TACR2: variants seen among roughly 807,000 people sequenced by gnomAD.
TACR2 encodes the protein tachykinin receptor 2.
In TACR2, 24 loss-of-function variants were observed where a neutral mutation model predicts 28.9. The observed-to-expected ratio is 0.83, with a 90% CI of 0.60 to 1.17. The LOEUF is 1.17. Ranked by LOEUF, TACR2 falls within the 50% of genes most tolerant of loss-of-function variation. The probability of loss-of-function intolerance (pLI) is 0.00; values close to 1 mark genes in which losing one functional copy is unlikely to be tolerated. For missense variants in TACR2, 487 were observed against 524.4 expected (o/e 0.93, Z 0.70); for synonymous variants, 222 against 212.6 (o/e 1.04, Z -0.38).
intron 3 of TACR2, 34 bp from the exon 4 acceptor site, chr10:69,407,314 G>A: frequency 1.3e-6 from 2 of 1,579,562 alleles, no homozygotes; most frequent in Non-Finnish European, 8.6e-7. Context: ...ACTTCTTAGT[G>A]CCCAAGCCCC....
rs550806912 is a variant in TACR2, at chr10:69,405,153, C to T, written c.939-69G>A. The T allele has an allele frequency of 4.5e-6, 6 of 1,338,030 alleles. 1 individual carries two copies. In the South Asian group the frequency reaches 6.7e-5, roughly 15 times the overall value. The allele number at this position is 1,338,030 out of a possible 1,614,324, so 82.9% of individuals were successfully genotyped here. ...AGGAGCTGTGATGTGACTGCCCCCA[C>T]CCCCAGGAAACTGACTCCCTTCCAG... On this transcript the variant is annotated intron_variant, in intron 4 of 4. Transcript: ENST00000373306.
At chr10:69,415,214 C>T in intron 1 of TACR2, 75 bp from the exon 2 acceptor site, 4 of 1,496,496 alleles carry the variant, frequency 2.7e-6, no homozygotes, top group Non-Finnish European at 2.7e-6. Context: ...CTCCCTCTCT[C>T]CCAACCCAGG....
rs1177801447 is a variant in TACR2, at chr10:69,404,512, C to T, written c.*314G>A. 1.3e-5 allele frequency: 3 copies of T among 231,208 alleles called. No homozygotes were observed. Among genetic ancestry groups the T allele is most frequent in the Non-Finnish European group, 2.5e-5 (3 of 120,270 alleles). The allele number at this position is 231,208 out of a possible 1,614,324, so 14.3% of individuals were successfully genotyped here. A position where few individuals can be genotyped will look rare whatever the true frequency, so the allele number is the denominator to read the frequency against. On this transcript the variant is annotated 3_prime_UTR_variant, in exon 5 of 5. Coordinates refer to ENST00000373306, the MANE Select transcript of TACR2 (RefSeq NM_001057.3). ...ATAAAGAAAAGAGGTTTATTTGGCT[C>T]ATGATTCTGGTGGCTGGAATATCCA...
At chr10:69,406,418 G>T (rs3793850) in intron 4 of TACR2, among the ~76,000 whole-genome samples, 1 of 152,010 alleles carries the variant, frequency 6.6e-6, no homozygotes, top group East Asian at 1.9e-4. Flanking sequence ...TCAGAATCAC[G>T]AGGCGTAGGG....
chr10:69,409,293 G>C, intron 2 of TACR2: 1 of 408,114 alleles, frequency 2.5e-6, no homozygotes, highest in Middle Eastern at 6.5e-4. Context: ...GACGCCAGCA[G>C]TAGCCCTGCG....
chr10:69,404,766 C>T lies in TACR2; in HGVS notation c.*60G>A, dbSNP rs200078878. 1.5e-5 allele frequency: 13 copies of T among 839,758 alleles called. No homozygotes were observed. Among genetic ancestry groups the T allele is most frequent in the Non-Finnish European group, 2.4e-5 (13 of 550,032 alleles). The allele number at this position is 839,758 out of a possible 1,614,324, so 52.0% of individuals were successfully genotyped here. ...GGCATTAATCTATTCATAAGGGATC[C>T]ATCCCCAATACCCAAACACCTCCCA... On this transcript the variant is annotated 3_prime_UTR_variant, in exon 5 of 5. Transcript: ENST00000373306.
rs200789724 is a variant in TACR2 at position 69,416,062 on chromosome 10, C to T, written c.262G>A (p.Ala88Thr). 28 of 1,614,138 alleles carry T rather than the reference C, an allele frequency of 1.7e-5. No individual in the cohort carries two copies. Among genetic ancestry groups the T allele is most frequent in the African/African-American group, 6.7e-5 (5 of 75,060 alleles). Reference sequence around the variant, plus strand: ...TGGCTGGCATAGACAAAGTTGAAGGCGGCATTGAAGGCAGCCATGCAGAGG... The same window carrying T: ...TGGCTGGCATAGACAAAGTTGAAGGTGGCATTGAAGGCAGCCATGCAGAGG... ...ADLCMAAFNA[A>T]FNFVYASHNI... The change falls in exon 1 of 5, where the codon GCC becomes ACC. Residue 88 changes from alanine (A) to threonine (T), a missense_variant. Transcript: ENST00000373306.
In TACR2 at chr10:69,404,962, T is replaced by A. The variant is rs1311046774; in HGVS notation, c.1061A>T (p.Lys354Met). Residue 354 changes from lysine to methionine, a missense_variant, in exon 5 of 5, where the codon AAG becomes ATG. By Grantham distance (95) the Lys-to-Met change is moderately conservative (BLOSUM62 -1). Transcript: ENST00000373306. ...GTCCCCAGCCATGAACAAAGTCTCCTTAGTGTGACACCTGTTGACTCTCGT... is the reference window on the plus strand; with the variant it reads ...GTCCCCAGCCATGAACAAAGTCTCCATAGTGTGACACCTGTTGACTCTCGT... Reference protein sequence around the residue: ...LSTRVNRCHTKETLFMAGDTA... With the variant: ...LSTRVNRCHTMETLFMAGDTA... 1.2e-6 allele frequency: 2 copies of A among 1,614,070 alleles called. No homozygotes were observed. The highest frequency in any genetic ancestry group is 1.7e-6 in the Non-Finnish European group (2 of 1,180,026).
In TACR2 at chr10:69,416,097, G is replaced by A. The variant is rs201381790; in HGVS notation, c.227C>T (p.Ala76Val). 69 of 1,614,070 alleles carry A rather than the reference G, an allele frequency of 4.3e-5. No homozygotes were observed. Among genetic ancestry groups the A allele is most frequent in the Middle Eastern group, 1.6e-4 (1 of 6,084 alleles). ...TVTNYFIVNL[A>V]LADLCMAAFN... ...GGCAGCCATGCAGAGGTCAGCCAGC[G>A]CCAGATTGACGATGAAGTAGTTGGT... Residue 76 changes from alanine (A) to valine (V), a missense_variant, in exon 1 of 5, where the codon GCG becomes GTG. Transcript: ENST00000373306.
intron 2 of TACR2, among the ~76,000 whole-genome samples, chr10:69,409,572 T>G (rs181534584): frequency 2.2e-3 from 336 of 151,998 alleles, no homozygotes; most frequent in African/African-American, 7.5e-3. Context: ...GGATCCAAAA[T>G]AGGGGAGGAG....
chr10:69,409,368 A>C, intron 2 of TACR2: 1 of 269,690 alleles, frequency 3.7e-6, no homozygotes, highest in East Asian at 6.6e-5. Context: ...TGAATGAAAC[A>C]AATTAAGAAA....
chr10:69,413,496 G>A (rs924833104), intron 2 of TACR2, among the ~76,000 whole-genome samples: 1 of 152,320 alleles, frequency 6.6e-6, no homozygotes, highest in East Asian at 1.9e-4. Flanking sequence ...CCAGAAAGCC[G>A]GGCATTCCCC....
intron 2 of TACR2, among the ~76,000 whole-genome samples, chr10:69,411,508 G>T (rs1468344753): frequency 6.6e-6 from 1 of 152,070 alleles, no homozygotes; most frequent in South Asian, 2.1e-4. Context: ...AATTATTTAG[G>T]GGTCATGCAG....
chr10:69,405,436 G>GC (rs1840493707), intron 4 of TACR2, among the ~76,000 whole-genome samples: 1 of 152,180 alleles, frequency 6.6e-6, no homozygotes, highest in Non-Finnish European at 1.5e-5. Flanking sequence ...TTGTTAACTG[G>GC]CTTCTAAGGG....
chr10:69,404,745 T>A lies in TACR2; in HGVS notation c.*81A>T. The A allele has an allele frequency of 1.5e-6, 1 of 648,068 alleles. No homozygotes were observed. Among genetic ancestry groups the A allele is most frequent in the Non-Finnish European group, 2.5e-6 (1 of 397,020 alleles). The allele number at this position is 648,068 out of a possible 1,614,324, so 40.1% of individuals were successfully genotyped here. A position where few individuals can be genotyped will look rare whatever the true frequency, so the allele number is the denominator to read the frequency against. ...GATGATTCACTTCAACTGGAAGGCA[T>A]TAATCTATTCATAAGGGATCCATCC... On this transcript the variant is annotated 3_prime_UTR_variant, in exon 5 of 5. Coordinates refer to ENST00000373306, the MANE Select transcript of TACR2 (RefSeq NM_001057.3).
intron 4 of TACR2, 126 bp from the exon 5 acceptor site, chr10:69,405,210 C>T: frequency 1.3e-6 from 1 of 763,036 alleles, no homozygotes; most frequent in Non-Finnish European, 2.1e-6. Flanking sequence ...CAAGAGCCTC[C>T]CATGGCTCAG....
chr10:69,410,035 C>T (rs1309753898), intron 2 of TACR2, among the ~76,000 whole-genome samples: 1 of 151,020 alleles, frequency 6.6e-6, no homozygotes, highest in African/African-American at 2.4e-5. Flanking sequence ...AGTGGAAAAG[C>T]GCCATATATC....
rs1009127255 is a variant in TACR2 at position 69,407,257 on chromosome 10, C to T, written c.765G>A (p.Val255=). 1 of 1,613,130 alleles carries T rather than the reference C, an allele frequency of 6.2e-7. No homozygotes were observed. Among genetic ancestry groups the T allele is most frequent in the East Asian group, 2.2e-5 (1 of 44,844 alleles). The change falls in exon 4 of 5, where the codon GTG becomes GTA. Residue 255 remains valine, a synonymous_variant. Coordinates refer to ENST00000373306, the MANE Select transcript of TACR2 (RefSeq NM_001057.3). ...GCCAGCAGATGGCAAACGTCAGCAC[C>T]ACCAGCACCATGGTCTTCACAAACT... ...MKKFVKTMVL[V]VLTFAICWLP...
rs58692969 is a variant in TACR2 at position 69,404,839 on chromosome 10, T to G, written c.1184A>C (p.His395Pro). Reference sequence around the variant, plus strand: ...GCCACATTGGGATCAAATTTCAACATGAGTTTTGGTGGGGGCAAGCAAACC... The same window carrying G: ...GCCACATTGGGATCAAATTTCAACAGGAGTTTTGGTGGGGGCAAGCAAACC... ...GYGLLAPTKTHVEI is the reference protein window; with the variant it reads ...GYGLLAPTKTPVEI The change falls in exon 5 of 5, where the codon CAT becomes CCT. Residue 395 changes from histidine to proline, a missense_variant. By Grantham distance (77) the His-to-Pro change is moderately conservative. Coordinates refer to ENST00000373306, the MANE Select transcript of TACR2 (RefSeq NM_001057.3). 128 of 1,543,052 alleles carry G rather than the reference T, an allele frequency of 8.3e-5. No homozygotes were observed. Among genetic ancestry groups the G allele is most frequent in the Non-Finnish European group, 1.0e-4 (115 of 1,138,024 alleles).
Sources: gnomAD v4.1 joint callset for allele counts (sites outside exome capture counted in the v4.1 genomes callset) on GRCh38, gnomAD v4.1.1 for gene constraint, MANE v1.5 for transcripts, NCBI Gene and HGNC (gene_info 2026-07-23, HGNC 2026-07-21) for gene names.